Variants in CNPY1 observed in about 807,000 individuals in gnomAD.
CNPY1 encodes the protein canopy FGF signaling regulator 1.
In CNPY1, 14 loss-of-function variants were observed where a neutral mutation model predicts 14.4. The ratio of observed to expected loss-of-function variants is 0.97; its 90% CI spans 0.64 to 1.52. The LOEUF (loss-of-function observed/expected upper bound fraction) is 1.52, where lower values mean the gene tolerates loss of function less well. Among genes scored for constraint, CNPY1 ranks in the 40% most tolerant of loss-of-function variants. The pLI, the probability that CNPY1 is intolerant of heterozygous loss-of-function variation, is 0.00. For synonymous variants in CNPY1, 43 were observed against 46.5 expected (o/e 0.92, Z 0.31); for missense variants, 129 against 131.5 (o/e 0.98, Z 0.09).
At chr7:155,517,654 TC>T (rs1290881966) in intron 2 of CNPY1, among the ~76,000 whole-genome samples, 3 of 152,084 alleles carry the variant, frequency 2.0e-5, no homozygotes, top group Non-Finnish European at 2.9e-5. Context: ...TGGTTCATCA[TC>T]TGAATTTCTC....
At chr7:155,541,780 A>G (rs184471495) in intron 2 of CNPY1, among the ~76,000 whole-genome samples, 3 of 152,288 alleles carry the variant, frequency 2.0e-5, no homozygotes, top group Admixed American at 2.0e-4. Context: ...GGTCCTTCCC[A>G]GGAAGGGAAG....
At chr7:155,522,188 C>A (rs1177418620) in intron 2 of CNPY1, among the ~76,000 whole-genome samples, 1 of 152,252 alleles carries the variant, frequency 6.6e-6, no homozygotes, top group African/African-American at 2.4e-5. Context: ...GGGCCAGGAG[C>A]CATGAATGGG....
At chr7:155,535,926 T>A (rs564511092) in intron 2 of CNPY1, among the ~76,000 whole-genome samples, 1 of 152,332 alleles carries the variant, frequency 6.6e-6, no homozygotes, top group Non-Finnish European at 1.5e-5. Context: ...CTCATGGGAA[T>A]CAGGTATGGG....
chr7:155,542,722 C>T (rs1797100532), intron 2 of CNPY1, among the ~76,000 whole-genome samples: 1 of 152,250 alleles, frequency 6.6e-6, no homozygotes, highest in Non-Finnish European at 1.5e-5. Context: ...TGTCCCAGCC[C>T]CACATCCACA....
chr7:155,540,792 C>G (rs574570229), intron 2 of CNPY1, among the ~76,000 whole-genome samples: 1 of 152,160 alleles, frequency 6.6e-6, no homozygotes, highest in Non-Finnish European at 1.5e-5. Context: ...GTGAGCCCCT[C>G]GACTCCAGCT....
chr7:155,531,203 G>A (rs1485561651), intron 2 of CNPY1, among the ~76,000 whole-genome samples: 2 of 152,176 alleles, frequency 1.3e-5, no homozygotes, highest in Non-Finnish European at 2.9e-5. Flanking sequence ...CTGAGAGCCG[G>A]TGCTGCAAAC....
Position 155,545,813 on chromosome 7 carries a change from T to A in CNPY1, c.99+18A>T. 2.5e-6 allele frequency: 1 copy of A among 398,556 alleles called. No individual in the cohort carries two copies. The highest frequency in any genetic ancestry group is 4.4e-6 in the Non-Finnish European group (1 of 226,006). 24.7% of individuals were successfully genotyped at this position (398,556 alleles called of 1,614,324 possible). A position where few individuals can be genotyped will look rare whatever the true frequency, so the allele number is the denominator to read the frequency against. ...ATATCCGCAATTATACACTGGCACA[T>A]AATATCTTTTCCACTACCTTTCTCC... On this transcript the variant is annotated intron_variant, in intron 2 of 4. Coordinates refer to ENST00000636446, the MANE Select transcript of CNPY1 (RefSeq NM_001393663.1).
intron 2 of CNPY1, among the ~76,000 whole-genome samples, chr7:155,544,259 T>A (rs571549931): frequency 1.3e-4 from 20 of 152,316 alleles, no homozygotes; most frequent in African/African-American, 4.6e-4. Flanking sequence ...AGAGATGCTA[T>A]TCTTTCTGCA....
At chr7:155,539,783 C>G (rs1396781623) in intron 2 of CNPY1, among the ~76,000 whole-genome samples, 2 of 152,114 alleles carry the variant, frequency 1.3e-5, no homozygotes, top group African/African-American at 4.8e-5. Flanking sequence ...ACTTAAATAC[C>G]CTTTTCATGG....
In CNPY1 at chr7:155,527,054, C is replaced by CTTTCTTT. The variant is rs56296833; in HGVS notation, c.100-17958_100-17957insAAAGAAA. On this transcript the variant is annotated intron_variant, in intron 2 of 4. Coordinates refer to ENST00000636446, the MANE Select transcript of CNPY1 (RefSeq NM_001393663.1). ...TTTTTCTTTCTTTCTTTCTTTCTTT[C>CTTTCTTT]TTTTTTTTTTTTTTTTTGAGACAGT... 3.0e-3 allele frequency among the ~76,000 whole-genome samples: 271 copies of CTTTCTTT among 90,366 alleles called. 3 individuals are homozygous for CTTTCTTT. The highest frequency in any genetic ancestry group is 0.013 in the African/African-American group (255 of 19,826). The allele number at this position is 90,366 out of a possible 152,430, so 59.3% of individuals were successfully genotyped here. A position where few individuals can be genotyped will look rare whatever the true frequency, so the allele number is the denominator to read the frequency against.
At chr7:155,532,630 G>A (rs7800273) in intron 2 of CNPY1, among the ~76,000 whole-genome samples, 111,341 of 151,508 alleles carry the variant, frequency 0.73, 41,884 homozygotes, top group African/African-American at 0.91. Context: ...CAAAAATAGA[G>A]GGAGGACCCC....
intron 2 of CNPY1, among the ~76,000 whole-genome samples, chr7:155,524,294 T>C (rs1253578529): frequency 1.3e-5 from 2 of 152,190 alleles, no homozygotes; most frequent in East Asian, 1.9e-4. Flanking sequence ...CCCTCCAAGA[T>C]ACGAATGACA....
At chr7:155,528,463 G>A in intron 2 of CNPY1, among the ~76,000 whole-genome samples, 1 of 152,234 alleles carries the variant, frequency 6.6e-6, no homozygotes, top group East Asian at 1.9e-4. Flanking sequence ...GGGATCAGCT[G>A]CTGCCAATGT....
intron 2 of CNPY1, chr7:155,510,562 T>C (rs1585304319): frequency 6.6e-6 from 1 of 152,168 alleles, no homozygotes. Flanking sequence ...GAATCGGAAG[T>C]TAAATAGCTT....
At chr7:155,517,553 C>T (rs1796644619) in intron 2 of CNPY1, among the ~76,000 whole-genome samples, 1 of 152,222 alleles carries the variant, frequency 6.6e-6, no homozygotes, top group Non-Finnish European at 1.5e-5. Context: ...TCCAGGAAGC[C>T]TGGACACCAT....
chr7:155,510,706 AT>A (rs1471210621), intron 2 of CNPY1, among the ~76,000 whole-genome samples: 1 of 152,248 alleles, frequency 6.6e-6, no homozygotes, highest in Non-Finnish European at 1.5e-5. Context: ...CAAAGTGCAC[AT>A]TTCAAACACA....
chr7:155,509,540 G>C (rs1563087230), intron 2 of CNPY1, among the ~76,000 whole-genome samples: 2 of 151,514 alleles, frequency 1.3e-5, no homozygotes. Flanking sequence ...GAGGGAGGGA[G>C]AGAGAGCGAG....
chr7:155,534,112 T>C (rs1432076850), intron 2 of CNPY1, among the ~76,000 whole-genome samples: 1 of 152,070 alleles, frequency 6.6e-6, no homozygotes, highest in African/African-American at 2.4e-5. Context: ...CTGCAGCGGG[T>C]TAGGGGCCCC....
chr7:155,529,786 T>TC (rs1474348103), intron 2 of CNPY1, among the ~76,000 whole-genome samples: 2 of 151,794 alleles, frequency 1.3e-5, no homozygotes, highest in African/African-American at 4.8e-5. Context: ...CTTTTTTTTT[T>TC]TTCTTTAATT....
Sources: gnomAD v4.1 joint callset for allele counts (sites outside exome capture counted in the v4.1 genomes callset) on GRCh38, gnomAD v4.1.1 for gene constraint, MANE v1.5 for transcripts, NCBI Gene and HGNC (gene_info 2026-07-23, HGNC 2026-07-21) for gene names.